The following THRB variants were observed in gnomAD, a reference collection of about 807,000 sequenced individuals.
THRB encodes the protein nuclear receptor subfamily 1 group A member 2.
A neutral mutation model predicts 47.8 loss-of-function variants in THRB; 12 were observed. The ratio of observed to expected loss-of-function variants is 0.25; its 90% confidence interval spans 0.16 to 0.41. The LOEUF is 0.41. THRB is among the 10% of genes least tolerant of loss of function. THRB has a pLI of 1.00. For missense variants in THRB, 348 were observed against 589.2 expected (o/e 0.59, Z 4.24); for synonymous variants, 218 against 212.2 (o/e 1.03, Z -0.24).
At chr3:24,172,952 C>T (rs978588082) in intron 5 of THRB, among the ~76,000 whole-genome samples, 1 of 152,090 alleles carries the variant, frequency 6.6e-6, no homozygotes, top group Non-Finnish European at 1.5e-5. Flanking sequence ...TGAAATATGT[C>T]AATTTCTAGG....
intron 1 of THRB, among the ~76,000 whole-genome samples, chr3:24,341,059 A>G (rs2062607145): frequency 6.6e-6 from 1 of 150,902 alleles, no homozygotes. Flanking sequence ...CCATCACATT[A>G]TATCTTCTAG....
chr3:24,343,659 T>A (rs539280501), intron 1 of THRB, among the ~76,000 whole-genome samples: 1 of 152,044 alleles, frequency 6.6e-6, no homozygotes, highest in South Asian at 2.1e-4. Context: ...CAGAGATGAC[T>A]AATCAATTGC....
intron 1 of THRB, among the ~76,000 whole-genome samples, chr3:24,476,292 C>T (rs1695439364): frequency 1.3e-5 from 2 of 152,260 alleles, no homozygotes; most frequent in Non-Finnish European, 2.9e-5. Context: ...GGTTTTCTTT[C>T]CCTCTACAGG....
intron 2 of THRB, among the ~76,000 whole-genome samples, chr3:24,328,897 A>T (rs527897855): frequency 2.6e-5 from 4 of 152,236 alleles, no homozygotes; most frequent in African/African-American, 9.6e-5. Flanking sequence ...GACTTTCATG[A>T]TCTGACTCTT....
rs147778716 is a variant in THRB at position 24,456,396 on chromosome 3, T to C, written c.-261+38256A>G. On this transcript the variant is annotated intron_variant, in intron 1 of 10. Transcript: ENST00000646209. The stretch of plus-strand genomic sequence containing the variant: ...ATAAAAATGCATTCATTCAATCTGT[T>C]TTGGTTGTCACCTGATAGAAATTCT... Among the ~76,000 whole-genome samples, 396 of 152,036 alleles carry C rather than the reference T, an allele frequency of 2.6e-3. 3 individuals are homozygous for C. The highest frequency in any genetic ancestry group is 9.2e-3 in the African/African-American group (382 of 41,520).
intron 1 of THRB, among the ~76,000 whole-genome samples, chr3:24,421,468 C>A (rs760416417): frequency 6.6e-6 from 1 of 151,702 alleles, no homozygotes; most frequent in South Asian, 2.1e-4. Flanking sequence ...AGTACTAACC[C>A]AGGGCCCTAG....
At chr3:24,160,379 C>T (rs2038613986) in intron 5 of THRB, among the ~76,000 whole-genome samples, 1 of 152,018 alleles carries the variant, frequency 6.6e-6, no homozygotes. Context: ...GAAGAACTGC[C>T]CCTGAGTGGC....
chr3:24,406,240 AATAT>A (rs1485012429), intron 1 of THRB, among the ~76,000 whole-genome samples: 5 of 151,764 alleles, frequency 3.3e-5, no homozygotes, highest in African/African-American at 7.2e-5. Context: ...CTCATTTTGA[AATAT>A]ATAGAGAATT....
chr3:24,313,024 A>G (rs7642796), intron 2 of THRB, among the ~76,000 whole-genome samples: 19,665 of 152,132 alleles, frequency 0.13, 1,313 homozygotes, highest in South Asian at 0.2. Flanking sequence ...GAGGCAGAAT[A>G]GGTAGGAGTT....
chr3:24,377,065 G>C (rs1320976434), intron 1 of THRB, among the ~76,000 whole-genome samples: 2 of 151,996 alleles, frequency 1.3e-5, no homozygotes, highest in Non-Finnish European at 2.9e-5. Flanking sequence ...AGCCTCCCAG[G>C]TAGCTGGGAC....
intron 1 of THRB, among the ~76,000 whole-genome samples, chr3:24,374,463 C>T (rs188305130): frequency 5.1e-4 from 78 of 152,022 alleles, no homozygotes; most frequent in African/African-American, 1.8e-3. Context: ...TGCTTATGTA[C>T]GTGTATTTAC....
At chr3:24,355,035 T>A (rs1317628083) in intron 1 of THRB, among the ~76,000 whole-genome samples, 1 of 152,112 alleles carries the variant, frequency 6.6e-6, no homozygotes, top group Non-Finnish European at 1.5e-5. Flanking sequence ...TAACATATAT[T>A]AATTACAAAG....
At chr3:24,253,028 GAATAC>G (rs529274209) in intron 3 of THRB, among the ~76,000 whole-genome samples, 5 of 151,652 alleles carry the variant, frequency 3.3e-5, no homozygotes, top group Non-Finnish European at 5.9e-5. Context: ...AAGAATAAAT[GAATAC>G]AATACAATAC....
chr3:24,356,731 C>A (rs189972642), intron 1 of THRB, among the ~76,000 whole-genome samples: 1 of 152,108 alleles, frequency 6.6e-6, no homozygotes, highest in African/African-American at 2.4e-5. Flanking sequence ...AAAAAAGTCA[C>A]TAGTAGGGCC....
rs199615326 is a variant in THRB at position 24,481,314 on chromosome 3, A to ATGC, written c.-261+13335_-261+13337dup. On this transcript the variant is annotated intron_variant, in intron 1 of 10. Transcript: ENST00000646209. ...AGGACAACCTATTCCCTTATTTATA[A>ATGC]TGCAGGACAGCAGGGCCTTGTAAGT... is the stretch of plus-strand genomic sequence containing the variant. Among the ~76,000 whole-genome samples the ATGC allele has an allele frequency of 5.7e-3, 829 of 144,556 alleles. 8 individuals are homozygous for ATGC. Among genetic ancestry groups the ATGC allele is most frequent in the African/African-American group, 0.02 (762 of 37,366 alleles). 94.8% of individuals were successfully genotyped at this position (144,556 alleles called of 152,430 possible).
intron 1 of THRB, among the ~76,000 whole-genome samples, chr3:24,347,139 TTAAC>T (rs1159776066): frequency 6.6e-6 from 1 of 152,014 alleles, no homozygotes; most frequent in Non-Finnish European, 1.5e-5. Flanking sequence ...ACCCTTCTAA[TTAAC>T]CCATGGGTCA....
intron 1 of THRB, among the ~76,000 whole-genome samples, chr3:24,437,755 A>G (rs1251169657): frequency 6.6e-6 from 1 of 152,094 alleles, no homozygotes; most frequent in Non-Finnish European, 1.5e-5. Context: ...GACAAGCCAG[A>G]AAGGAGATAC....
chr3:24,324,510 TGTTACATCCA>T (rs2058686848), intron 2 of THRB, among the ~76,000 whole-genome samples: 1 of 152,256 alleles, frequency 6.6e-6, no homozygotes, highest in South Asian at 2.1e-4. Flanking sequence ...TTGCCCATCC[TGTTACATCCA>T]GTTACTTTTT....
intron 2 of THRB, among the ~76,000 whole-genome samples, chr3:24,317,352 G>C (rs2058187940): frequency 6.6e-6 from 1 of 152,152 alleles, no homozygotes; most frequent in Non-Finnish European, 1.5e-5. Context: ...CTGAGTGTTT[G>C]TTAAATATAA....
Sources: allele counts gnomAD v4.1 joint callset (sites outside exome capture counted in the v4.1 genomes callset), GRCh38; gene constraint gnomAD v4.1.1; transcripts MANE v1.5; gene names NCBI Gene and HGNC (gene_info 2026-07-23, HGNC 2026-07-21).